Variants in RTF2 observed in about 807,000 individuals in gnomAD.
RTF2 encodes the protein replication termination factor 2.
A neutral mutation model predicts 38.0 loss-of-function variants in RTF2; 18 were observed. That is an observed-to-expected ratio of 0.47 (90% CI 0.33 to 0.70). The LOEUF is 0.70. Among genes scored for constraint, RTF2 ranks in the 30% least tolerant of loss-of-function variants. The pLI is 0.02. For synonymous variants in RTF2, 126 were observed against 137.1 expected (o/e 0.92, Z 0.57); for missense variants, 311 against 379.6 (o/e 0.82, Z 1.50).
chr20:56,474,965 TA>T (rs1982162382), intron 3 of RTF2, among the ~76,000 whole-genome samples, 194 bp downstream of exon 3: 1 of 152,358 alleles, frequency 6.6e-6, no homozygotes, highest in Admixed American at 6.5e-5. Context: ...CTTCCTACAT[TA>T]TAAATCTGTT....
intron 4 of RTF2, among the ~76,000 whole-genome samples, chr20:56,482,856 A>G (rs1272539417): frequency 6.6e-6 from 1 of 152,162 alleles, no homozygotes; most frequent in Non-Finnish European, 1.5e-5. Context: ...TCGTTGTTTG[A>G]TGTTTAATGC....
intron 4 of RTF2, among the ~76,000 whole-genome samples, chr20:56,480,052 T>G (rs1982452508): frequency 6.6e-6 from 1 of 152,308 alleles, no homozygotes; most frequent in East Asian, 1.9e-4. Flanking sequence ...CGGCCTGTCC[T>G]GATGCTTTGA....
At chr20:56,506,786 C>T (rs1022191616) in intron 5 of RTF2, among the ~76,000 whole-genome samples, 1 of 152,116 alleles carries the variant, frequency 6.6e-6, no homozygotes, top group South Asian at 2.1e-4. Context: ...CTGCAAGCTC[C>T]GCCTCCCAGC....
intron 8 of RTF2, 81 bp downstream of exon 8, chr20:56,517,282 G>A: frequency 9.0e-7 from 1 of 1,108,372 alleles, no homozygotes; most frequent in Admixed American, 1.9e-5. Flanking sequence ...CACTGGAGTG[G>A]GTGGATGGGA....
chr20:56,477,962 A>T (rs1982342108), intron 4 of RTF2, among the ~76,000 whole-genome samples: 1 of 152,236 alleles, frequency 6.6e-6, no homozygotes, highest in Admixed American at 6.5e-5. Context: ...TGTGTGTAGC[A>T]AATGTAAGCA....
chr20:56,491,400 G>A (rs1174045546), intron 5 of RTF2: 1 of 615,736 alleles, frequency 1.6e-6, no homozygotes, highest in African/African-American at 1.8e-5. Flanking sequence ...TATAAAAGTG[G>A]CCTGTAATCA....
chr20:56,513,519 T>A (rs910392424), intron 6 of RTF2, 91 bp downstream of exon 6: 135 of 1,500,234 alleles, frequency 9.0e-5, no homozygotes, highest in Non-Finnish European at 1.2e-4. Flanking sequence ...TGCTTAGGGG[T>A]TTGCATGATC....
intron 5 of RTF2, among the ~76,000 whole-genome samples, chr20:56,484,596 C>T (rs982620297): frequency 6.6e-6 from 1 of 152,196 alleles, no homozygotes; most frequent in African/African-American, 2.4e-5. Flanking sequence ...TATGTGTCTG[C>T]TTCCCCACCG....
intron 5 of RTF2, among the ~76,000 whole-genome samples, chr20:56,506,187 C>G (rs1984257875): frequency 1.3e-5 from 2 of 152,140 alleles, no homozygotes; most frequent in Non-Finnish European, 2.9e-5. Flanking sequence ...GGGCAGAACC[C>G]TAGGCTCCTC....
At position 56,518,229 on chromosome 20, in the gene RTF2, T is replaced by C; in HGVS notation, c.885T>C (p.Ser295=). 1 of 1,614,060 alleles carries C rather than the reference T, an allele frequency of 6.2e-7. No homozygotes were observed. Among genetic ancestry groups the C allele is most frequent in the Non-Finnish European group, 8.5e-7 (1 of 1,179,970 alleles). Residue 295 remains serine (S), a synonymous_variant, in exon 9 of 9, where the codon TCT becomes TCC. Coordinates refer to ENST00000357348, the MANE Select transcript of RTF2 (RefSeq NM_016407.5). ...CCGCCAAGCGCTCCAAGGAGGAGTC[T>C]GCCCACTGGGTCACCCACACGTCCT... The part of the protein sequence containing the change: ...HSSAKRSKEE[S]AHWVTHTSYC...
At chr20:56,515,369 C>G (rs985623334) in intron 6 of RTF2, among the ~76,000 whole-genome samples, 2 of 151,990 alleles carry the variant, frequency 1.3e-5, no homozygotes, top group African/African-American at 4.8e-5. Flanking sequence ...GTCAGGAGTT[C>G]GAGACCAGCC....
At chr20:56,481,940 C>T (rs1982546457) in intron 4 of RTF2, among the ~76,000 whole-genome samples, 1 of 152,158 alleles carries the variant, frequency 6.6e-6, no homozygotes, top group Non-Finnish European at 1.5e-5. Context: ...CTAGCTCACC[C>T]CAGAAGAGGA....
At chr20:56,514,859 TA>T (rs1307442891) in intron 6 of RTF2, among the ~76,000 whole-genome samples, 1 of 152,164 alleles carries the variant, frequency 6.6e-6, no homozygotes, top group Non-Finnish European at 1.5e-5. Flanking sequence ...TATAAGATGT[TA>T]ATACAACATT....
intron 5 of RTF2, chr20:56,504,399 A>G (rs1401098961): frequency 1.3e-5 from 2 of 152,254 alleles, no homozygotes; most frequent in Non-Finnish European, 2.9e-5. Flanking sequence ...TTCATGGGTC[A>G]GCGTCTTGAA....
chr20:56,513,449 C>T (rs1369589085), intron 6 of RTF2, 21 bp downstream of exon 6: 1 of 1,561,506 alleles, frequency 6.4e-7, no homozygotes, highest in Non-Finnish European at 8.7e-7. Context: ...TCTTCAGGTT[C>T]CGCCCAGCCC....
At chr20:56,491,643 G>A (rs1326207437) in intron 5 of RTF2, 4 of 1,551,970 alleles carry the variant, frequency 2.6e-6, no homozygotes, top group Non-Finnish European at 2.6e-6. Context: ...CTCAGCACTT[G>A]AAGTCTGTGC....
At chr20:56,493,671 A>AAG (rs1467312548) in intron 5 of RTF2, among the ~76,000 whole-genome samples, 1 of 151,798 alleles carries the variant, frequency 6.6e-6, no homozygotes, top group African/African-American at 2.4e-5. Context: ...AAAAAAAAAA[A>AAG]AGACTACAAA....
At chr20:56,508,952 GT>G (rs1319737515) in intron 5 of RTF2, among the ~76,000 whole-genome samples, 1 of 152,166 alleles carries the variant, frequency 6.6e-6, no homozygotes, top group Non-Finnish European at 1.5e-5. Context: ...ACAATCTTGG[GT>G]TAGGCGATGA....
chr20:56,509,374 T>C (rs1023925320), intron 5 of RTF2, among the ~76,000 whole-genome samples: 1 of 151,982 alleles, frequency 6.6e-6, no homozygotes, highest in African/African-American at 2.4e-5. Flanking sequence ...TCCCAGCACT[T>C]TGGGAGGCAG....
Sources: allele counts gnomAD v4.1 joint callset (sites outside exome capture counted in the v4.1 genomes callset), GRCh38; gene constraint gnomAD v4.1.1; transcripts MANE v1.5; gene names NCBI Gene and HGNC (gene_info 2026-07-23, HGNC 2026-07-21).